Variants in MAPK9 observed in about 807,000 individuals in gnomAD.
The protein encoded by MAPK9 is Jun kinase.
Under a neutral mutation model 57.1 loss-of-function variants are expected in MAPK9, and 30 were observed. The ratio of observed to expected loss-of-function variants is 0.53; its 90% CI spans 0.39 to 0.71. The LOEUF (loss-of-function observed/expected upper bound fraction) is 0.71. Ranked by LOEUF, MAPK9 falls within the 30% of genes least tolerant of loss-of-function variation. The pLI is 0.00. For synonymous variants in MAPK9, 155 were observed against 177.0 expected (o/e 0.88, Z 0.99); for missense variants, 362 against 521.0 (o/e 0.69, Z 2.97).
chr5:180,290,212 C>T (rs1291185261), intron 1 of MAPK9, among the ~76,000 whole-genome samples: 2 of 152,198 alleles, frequency 1.3e-5, no homozygotes, highest in Non-Finnish European at 2.9e-5. Context: ...TCTTTAGGGT[C>T]CCCACGACTC....
In MAPK9 at chr5:180,261,673, T is replaced by A. The variant is rs764327267; in HGVS notation, c.450+11A>T. On this transcript the variant is annotated intron_variant, in intron 5 of 11. Transcript: ENST00000452135. ...TGTTTTTAAAAATAAAATTAATACATCACCACTTACTCTATGAATTATACC... is the reference window on the plus strand; with the variant it reads ...TGTTTTTAAAAATAAAATTAATACAACACCACTTACTCTATGAATTATACC... 6.3e-7 allele frequency: 1 copy of A among 1,589,082 alleles called. No individual in the cohort carries two copies. The highest frequency in any genetic ancestry group is 8.5e-7 in the Non-Finnish European group (1 of 1,169,618).
chr5:180,234,530 GGGAGGGAGCA>G lies in MAPK9; in HGVS notation c.*1844_*1853del, dbSNP rs1757049764. 6.6e-6 allele frequency: 1 copy of G among 152,250 alleles called. No individual in the cohort carries two copies. The highest frequency in any genetic ancestry group is 1.5e-5 in the Non-Finnish European group (1 of 68,064). 9.4% of individuals were successfully genotyped at this position (152,250 alleles called of 1,614,324 possible). A position where few individuals can be genotyped will look rare whatever the true frequency, so the allele number is the denominator to read the frequency against. ...CCTCGTCCCCCGTCCACGTCTCCCGGGGAGGGAGCATCACACAGTGCAGGGCAGCTCGCGC... is the reference window on the plus strand; with the variant it reads ...CCTCGTCCCCCGTCCACGTCTCCCGGTCACACAGTGCAGGGCAGCTCGCGC... On this transcript the variant is annotated 3_prime_UTR_variant, in exon 12 of 12. Coordinates refer to ENST00000452135, the MANE Select transcript of MAPK9 (RefSeq NM_002752.5).
At chr5:180,266,474 C>G (rs1253235648) in intron 3 of MAPK9, among the ~76,000 whole-genome samples, 1 of 152,034 alleles carries the variant, frequency 6.6e-6, no homozygotes, top group Non-Finnish European at 1.5e-5. Context: ...ACCACTACGC[C>G]CAGCTAATTT....
chr5:180,251,006 G>C (rs1758627363), intron 5 of MAPK9, among the ~76,000 whole-genome samples: 1 of 152,154 alleles, frequency 6.6e-6, no homozygotes, highest in African/African-American at 2.4e-5. Flanking sequence ...ACAAGAACAG[G>C]CATTTTAGAA....
chr5:180,258,520 A>G (rs1484473105), intron 5 of MAPK9, among the ~76,000 whole-genome samples: 1 of 152,208 alleles, frequency 6.6e-6, no homozygotes, highest in African/African-American at 2.4e-5. Context: ...TCCCCGCTCC[A>G]TGTGAAGACA....
At position 180,256,059 on chromosome 5, in the gene MAPK9, T is replaced by G. The variant is rs547439542; in HGVS notation, c.450+5625A>C. ...GTTCAAAAGGACATAAGTACAGATA[T>G]GCTGGTGTTAACATCAGTCAACAGA... On this transcript the variant is annotated intron_variant, in intron 5 of 11. Transcript: ENST00000452135. 2.0e-3 allele frequency among the ~76,000 whole-genome samples: 300 copies of G among 152,364 alleles called. 3 individuals carry two copies. The highest frequency in any genetic ancestry group is 2.9e-3 in the Non-Finnish European group (195 of 68,036).
rs1219246219 is a variant in MAPK9 at position 180,233,288 on chromosome 5, TCTC to T, written c.*3093_*3095del. 6.6e-6 allele frequency: 1 copy of T among 152,168 alleles called. No homozygotes were observed. Among genetic ancestry groups the T allele is most frequent in the Non-Finnish European group, 1.5e-5 (1 of 68,042 alleles). The allele number at this position is 152,168 out of a possible 1,614,324, so 9.4% of individuals were successfully genotyped here. On this transcript the variant is annotated 3_prime_UTR_variant, in exon 12 of 12. Coordinates refer to ENST00000452135, the MANE Select transcript of MAPK9 (RefSeq NM_002752.5). ...ACATGACTAAGGCTGACTGGTGAAT[TCTC>T]CTGGCCACGCCTCATGAGAAAACAA...
chr5:180,278,592 G>A (rs1044470395), intron 2 of MAPK9, among the ~76,000 whole-genome samples: 2 of 152,084 alleles, frequency 1.3e-5, no homozygotes, highest in African/African-American at 2.4e-5. Context: ...CCCAGCTACC[G>A]GGAGGCTGAG....
chr5:180,290,282 T>C (rs1324126343), intron 1 of MAPK9, among the ~76,000 whole-genome samples: 2 of 152,196 alleles, frequency 1.3e-5, no homozygotes, highest in Non-Finnish European at 2.9e-5. Flanking sequence ...CTACGGTCCT[T>C]CCTTGGCCCT....
intron 3 of MAPK9, 30 bp downstream of exon 3, chr5:180,269,250 G>A (rs1244131280): frequency 6.2e-7 from 1 of 1,602,218 alleles, no homozygotes; most frequent in Non-Finnish European, 8.5e-7. Context: ...CAATATGGAA[G>A]CACACAGACA....
chr5:180,278,728 C>G (rs1408119010), intron 2 of MAPK9, among the ~76,000 whole-genome samples: 1 of 151,858 alleles, frequency 6.6e-6, no homozygotes, highest in African/African-American at 2.4e-5. Context: ...AAAACAGCTA[C>G]CTGTCTATAG....
intron 5 of MAPK9, among the ~76,000 whole-genome samples, chr5:180,258,752 C>T (rs35260119): frequency 9.7e-4 from 147 of 150,866 alleles, no homozygotes; most frequent in African/African-American, 2.5e-3. Flanking sequence ...TGTGGCTGGG[C>T]GCAGTGGCTC....
At chr5:180,280,339 T>C in intron 2 of MAPK9, 101 bp downstream of exon 2, 4 of 1,280,540 alleles carry the variant, frequency 3.1e-6, no homozygotes, top group Non-Finnish European at 4.2e-6. Flanking sequence ...TATAACAGAG[T>C]TTTTTTTTTA....
intron 5 of MAPK9, among the ~76,000 whole-genome samples, chr5:180,251,598 C>A (rs1443022324): frequency 1.3e-5 from 2 of 152,166 alleles, no homozygotes; most frequent in African/African-American, 4.8e-5. Flanking sequence ...TCTCTAGTCA[C>A]CCCCGAAATA....
intron 4 of MAPK9, among the ~76,000 whole-genome samples, chr5:180,264,231 G>A (rs1373348851): frequency 6.6e-6 from 1 of 152,114 alleles, no homozygotes; most frequent in African/African-American, 2.4e-5. Flanking sequence ...CAGGCTCCAG[G>A]GAAGCCAGGT....
At chr5:180,272,845 G>A (rs563631062) in intron 2 of MAPK9, among the ~76,000 whole-genome samples, 2 of 152,320 alleles carry the variant, frequency 1.3e-5, no homozygotes, top group South Asian at 4.1e-4. Flanking sequence ...TGTTTCTGAT[G>A]AGTAGACAAC....
In MAPK9 at chr5:180,242,674, C is replaced by T. The variant is rs375285768; in HGVS notation, c.770G>A (p.Arg257Lys). 1 of 1,614,112 alleles carries T rather than the reference C, an allele frequency of 6.2e-7. No individual in the cohort carries two copies. The highest frequency in any genetic ancestry group is 8.5e-7 in the Non-Finnish European group (1 of 1,180,000). ...EFMKKLQPTV[R>K]NYVENRPKYP... is the part of the protein sequence containing the mutation. Reference sequence around the variant, plus strand: ...CTTTGGTCTGTTTTCGACATAATTCCTCACAGTTGGCTGAAGTTTCTTCAT... The same window carrying T: ...CTTTGGTCTGTTTTCGACATAATTCTTCACAGTTGGCTGAAGTTTCTTCAT... The change falls in exon 8 of 12, where the codon AGG (arginine) becomes AAG (lysine). Residue 257 changes from arginine (R) to lysine (K), a missense_variant. By Grantham distance (26) the Arg-to-Lys change is conservative (BLOSUM62 2). This residue lies in a region of MAPK9 where 199 missense variants were observed against 251.3 expected (regional missense o/e 0.79). Transcript: ENST00000452135.
At position 180,239,873 on chromosome 5, in the gene MAPK9, A is replaced by G. The variant is rs1299793604; in HGVS notation, c.1060+51T>C. The G allele has an allele frequency of 4.5e-6, 7 of 1,551,326 alleles. No homozygotes were observed. In the East Asian group the frequency reaches 1.3e-4, roughly 30 times the overall value. On this transcript the variant is annotated intron_variant, in intron 10 of 11. Coordinates refer to ENST00000452135, the MANE Select transcript of MAPK9 (RefSeq NM_002752.5). ...ACAAAATGAAAAGCCTCTGCTCTAC[A>G]GGATTGGAAGAAATGTCAAAAGGAA... is the stretch of plus-strand genomic sequence containing the variant.
At chr5:180,286,912 T>C (rs1348211048) in intron 1 of MAPK9, 1 of 152,258 alleles carries the variant, frequency 6.6e-6, no homozygotes, top group Non-Finnish European at 1.5e-5. Context: ...AATGGGTAAA[T>C]GGTTAAACTA....
Sources: gnomAD v4.1 joint callset for allele counts (sites outside exome capture counted in the v4.1 genomes callset) on GRCh38, gnomAD v4.1.1 for gene constraint, gnomAD v4.1.1 regional missense constraint, MANE v1.5 for transcripts, NCBI Gene and HGNC (gene_info 2026-07-23, HGNC 2026-07-21) for gene names.